The following STX8 variants were observed in gnomAD, a reference collection of about 807,000 sequenced individuals.
The protein encoded by STX8 is syntaxin-8.
STX8 carries 23 observed loss-of-function variants against 37.5 expected under a neutral mutation model. The ratio of observed to expected loss-of-function variants is 0.61; its 90% confidence interval spans 0.44 to 0.87. The LOEUF (loss-of-function observed/expected upper bound fraction) is 0.87. Among genes scored for constraint, STX8 ranks in the 40% least tolerant of loss-of-function variants. STX8 has a pLI of 0.00. For missense variants in STX8, 313 were observed against 284.7 expected (o/e 1.10, Z -0.71); for synonymous variants, 115 against 99.1 (o/e 1.16, Z -0.95).
chr17:9,508,678 G>A (rs960933899), intron 4 of STX8, among the ~76,000 whole-genome samples: 18 of 152,166 alleles, frequency 1.2e-4, no homozygotes, highest in Middle Eastern at 3.2e-3. Context: ...AGAAAGATGG[G>A]GGGAAGAAAA....
At chr17:9,466,233 A>G (rs1360153973) in intron 6 of STX8, among the ~76,000 whole-genome samples, 1 of 152,184 alleles carries the variant, frequency 6.6e-6, no homozygotes. Flanking sequence ...GGCCTCCCAA[A>G]GTGCTGGGAT....
chr17:9,363,613 C>A (rs926795212), intron 7 of STX8, among the ~76,000 whole-genome samples: 2 of 152,174 alleles, frequency 1.3e-5, no homozygotes, highest in Non-Finnish European at 2.9e-5. Flanking sequence ...TACCAGAAAA[C>A]GCGTACAAAC....
rs1265601594 is a variant in STX8 at position 9,548,119 on chromosome 17, T to A, written c.213-2837A>T. ...TTCTTTCTTTATTATTATTATTATT[T>A]TTTGAGACAGTGTCTCCCTCTGTCG... On this transcript the variant is annotated intron_variant, in intron 3 of 7. Coordinates refer to ENST00000306357, the MANE Select transcript of STX8 (RefSeq NM_004853.3). Among the ~76,000 whole-genome samples the A allele has an allele frequency of 4.0e-5, 6 of 150,918 alleles. No homozygotes were observed. In the East Asian group the frequency reaches 5.9e-4, roughly 15 times the overall value.
At chr17:9,362,485 T>C (rs527357980) in intron 7 of STX8, among the ~76,000 whole-genome samples, 1 of 152,168 alleles carries the variant, frequency 6.6e-6, no homozygotes, top group Non-Finnish European at 1.5e-5. Flanking sequence ...CCCTAATACA[T>C]ACTAAAACCT....
intron 6 of STX8, among the ~76,000 whole-genome samples, chr17:9,442,867 T>G (rs1904717581): frequency 6.6e-6 from 1 of 152,288 alleles, no homozygotes. Flanking sequence ...CCTAAGAACG[T>G]GTGAGATATC....
chr17:9,274,498 G>A (rs1300327828), intron 7 of STX8, among the ~76,000 whole-genome samples: 1 of 151,328 alleles, frequency 6.6e-6, no homozygotes, highest in African/African-American at 2.4e-5. Flanking sequence ...AACACGGTGA[G>A]ACCCTGTCTC....
At chr17:9,537,276 C>A (rs948205630) in intron 4 of STX8, among the ~76,000 whole-genome samples, 1 of 152,230 alleles carries the variant, frequency 6.6e-6, no homozygotes, top group African/African-American at 2.4e-5. Context: ...GACTACATCC[C>A]CCAGCCGCCC....
intron 6 of STX8, among the ~76,000 whole-genome samples, chr17:9,473,041 TTTTTC>T (rs1437178428): frequency 9.8e-6 from 1 of 101,964 alleles, no homozygotes; most frequent in Non-Finnish European, 2.1e-5. Flanking sequence ...TCAGGATCTT[TTTTTC>T]TTTTTTTTTT....
At chr17:9,354,094 A>G (rs1452982653) in intron 7 of STX8, among the ~76,000 whole-genome samples, 1 of 152,130 alleles carries the variant, frequency 6.6e-6, no homozygotes, top group Non-Finnish European at 1.5e-5. Flanking sequence ...TCAATTTTAA[A>G]TATTACACAG....
chr17:9,394,596 C>A (rs557139757), intron 6 of STX8, among the ~76,000 whole-genome samples: 1 of 151,418 alleles, frequency 6.6e-6, no homozygotes, highest in African/African-American at 2.4e-5. Flanking sequence ...AACTCCTGAC[C>A]TCAAGTGATC....
chr17:9,393,378 C>A (rs928789350), intron 6 of STX8, among the ~76,000 whole-genome samples: 1 of 152,118 alleles, frequency 6.6e-6, no homozygotes, highest in Non-Finnish European at 1.5e-5. Context: ...AGAAGAAAAA[C>A]GATACCAGTA....
chr17:9,480,899 T>TTCTTTCTTTCTTTCTTTCTTTCTTTC (rs1411922451), intron 6 of STX8, among the ~76,000 whole-genome samples: 5 of 152,030 alleles, frequency 3.3e-5, no homozygotes, highest in African/African-American at 1.2e-4. Context: ...TCTTTCTTTT[T>TTCTTTCTTTCTTTCTTTCTTTCTTTC]TTTGAGGTGG....
intron 7 of STX8, among the ~76,000 whole-genome samples, chr17:9,339,392 C>A (rs569401187): frequency 6.6e-6 from 1 of 152,056 alleles, no homozygotes; most frequent in East Asian, 1.9e-4. Flanking sequence ...CAGTGGCTCA[C>A]GCCTGTAATC....
At chr17:9,345,341 G>C (rs1489361865) in intron 7 of STX8, among the ~76,000 whole-genome samples, 1 of 151,960 alleles carries the variant, frequency 6.6e-6, no homozygotes, top group Admixed American at 6.6e-5. Context: ...TTAGAGACAG[G>C]GTTTCACCAC....
At chr17:9,550,419 T>C (rs1354845651) in intron 3 of STX8, among the ~76,000 whole-genome samples, 1 of 150,894 alleles carries the variant, frequency 6.6e-6, no homozygotes, top group East Asian at 2.0e-4. Flanking sequence ...AATTCATGGA[T>C]ATGTAAGGTT....
At chr17:9,376,263 A>T (rs1567802978) in intron 7 of STX8, among the ~76,000 whole-genome samples, 1 of 152,130 alleles carries the variant, frequency 6.6e-6, no homozygotes, top group Non-Finnish European at 1.5e-5. Context: ...AAAATGCCCC[A>T]ATCAGCGCTC....
chr17:9,558,335 C>A (rs1326859176), intron 2 of STX8, among the ~76,000 whole-genome samples: 2 of 152,290 alleles, frequency 1.3e-5, no homozygotes, highest in Middle Eastern at 6.8e-3. Context: ...CAAGCGGACT[C>A]CCTCCTTGGA....
chr17:9,483,578 GAGC>G (rs1906440130), intron 6 of STX8, among the ~76,000 whole-genome samples: 1 of 152,132 alleles, frequency 6.6e-6, no homozygotes, highest in Non-Finnish European at 1.5e-5. Flanking sequence ...AAATTCAGCT[GAGC>G]AGTTCTAAGA....
rs141293404 is a variant in STX8 at position 9,568,769 on chromosome 17, G to C, written c.18-299C>G. ...CCCCCTCGGCCTCCCAAAGTGCTGG[G>C]ATTACAGGCGTGAGCCCCTGCACCT... On this transcript the variant is annotated intron_variant, in intron 1 of 7. Transcript: ENST00000306357. 9.0e-3 allele frequency among the ~76,000 whole-genome samples: 1,373 copies of C among 152,312 alleles called. 21 individuals carry two copies. Among genetic ancestry groups the C allele is most frequent in the African/African-American group, 0.031 (1,303 of 41,574 alleles).
Sources: gnomAD v4.1 joint callset for allele counts (sites outside exome capture counted in the v4.1 genomes callset) on GRCh38, gnomAD v4.1.1 for gene constraint, MANE v1.5 for transcripts, NCBI Gene and HGNC (gene_info 2026-07-23, HGNC 2026-07-21) for gene names.